SLC6A17: variants seen among roughly 807,000 people sequenced by gnomAD.
SLC6A17 encodes the protein sodium-dependent neutral amino acid transporter SLC6A17.
Under a neutral mutation model 64.5 loss-of-function variants are expected in SLC6A17, and 21 were observed. That is an observed-to-expected ratio of 0.33 (90% CI 0.23 to 0.47). SLC6A17 has a LOEUF of 0.47. SLC6A17 is among the 20% of genes least tolerant of loss of function. The pLI, the probability that SLC6A17 is intolerant of heterozygous loss-of-function variation, is 1.00. For missense variants in SLC6A17, 682 were observed against 963.2 expected (o/e 0.71, Z 3.86); for synonymous variants, 372 against 399.5 (o/e 0.93, Z 0.82).
chr1:110,195,091 T>C, intron 9 of SLC6A17: 1 of 450,698 alleles, frequency 2.2e-6, no homozygotes, highest in East Asian at 4.6e-5. Context: ...GCAGGGGCAC[T>C]CACTGGCCTT....
Position 110,197,470 on chromosome 1 carries a change from C to G in SLC6A17, c.1686C>G (p.Phe562Leu). The G allele has an allele frequency of 6.2e-7, 1 of 1,613,400 alleles. No individual in the cohort carries two copies. Among genetic ancestry groups the G allele is most frequent in the East Asian group, 2.2e-5 (1 of 44,872 alleles). Residue 562 changes from phenylalanine to leucine, a missense_variant, in exon 11 of 12, where the codon TTC (phenylalanine) becomes TTG (leucine). Transcript: ENST00000331565. ...FMQELTEMLG[F>L]RPYRFYFYMW... ...AGGAGCTGACGGAGATGCTGGGCTT[C>G]CGCCCCTACCGCTTCTATTTCTACA...
At chr1:110,188,870 CT>C (rs1404291230) in intron 6 of SLC6A17, among the ~76,000 whole-genome samples, 1 of 152,182 alleles carries the variant, frequency 6.6e-6, no homozygotes, top group Non-Finnish European at 1.5e-5. Context: ...TTCACTTCCC[CT>C]GGCTTCTTGC....
At position 110,174,014 on chromosome 1, in the gene SLC6A17, G is replaced by C. The variant is rs1201090011; in HGVS notation, c.486G>C (p.Gly162=). 2 of 1,614,090 alleles carry C rather than the reference G, an allele frequency of 1.2e-6. No homozygotes were observed. The highest frequency in any genetic ancestry group is 1.7e-6 in the Non-Finnish European group (2 of 1,180,036). ...GGCTGTATTATAATGTGATCATCGG[G>C]TGGAGCATCTTCTATTTCTTCAAGT... ...FVGLYYNVII[G]WSIFYFFKSF... The change falls in exon 4 of 12, where the codon GGG becomes GGC. Residue 162 remains glycine, a synonymous_variant. Coordinates refer to ENST00000331565, the MANE Select transcript of SLC6A17 (RefSeq NM_001010898.4).
At chr1:110,163,018 TA>T (rs67702050) in intron 1 of SLC6A17, among the ~76,000 whole-genome samples, 38,512 of 102,190 alleles carry the variant, frequency 0.38, 6,524 homozygotes, top group Non-Finnish European at 0.48. Flanking sequence ...CCCATGTTGG[TA>T]AAAAAAAAAA....
At chr1:110,173,893 G>GAAAGAGGT in intron 3 of SLC6A17, 80 bp from the exon 4 acceptor site, 5 of 1,558,102 alleles carry the variant, frequency 3.2e-6, no homozygotes, top group South Asian at 2.4e-5. Context: ...CGCTGCCGAC[G>GAAAGAGGT]TGCTGGGCCT....
intron 6 of SLC6A17, among the ~76,000 whole-genome samples, chr1:110,181,277 A>C (rs1232584610): frequency 6.6e-6 from 1 of 152,256 alleles, no homozygotes; most frequent in African/African-American, 2.4e-5. Context: ...ACAACTGTTC[A>C]TATCCTTCAG....
chr1:110,176,549 GC>G, intron 5 of SLC6A17, 79 bp from the exon 6 acceptor site: 1 of 1,363,046 alleles, frequency 7.3e-7, no homozygotes, highest in South Asian at 1.2e-5. Flanking sequence ...CGGCTCATGT[GC>G]CCCAGATGTG....
chr1:110,176,569 TG>T, intron 5 of SLC6A17, 59 bp from the exon 6 acceptor site: 6 of 1,493,252 alleles, frequency 4.0e-6, no homozygotes, highest in South Asian at 3.4e-5. Flanking sequence ...TGAGCAGGGA[TG>T]GGGGGTGCCA....
intron 2 of SLC6A17, among the ~76,000 whole-genome samples, chr1:110,167,541 A>G (rs1436682861): frequency 6.6e-6 from 1 of 152,162 alleles, no homozygotes; most frequent in Non-Finnish European, 1.5e-5. Context: ...CCTGCCTCAT[A>G]GGATAGTTGG....
intron 1 of SLC6A17, among the ~76,000 whole-genome samples, chr1:110,153,175 C>G (rs1267157481): frequency 1.3e-5 from 2 of 152,158 alleles, no homozygotes; most frequent in Non-Finnish European, 2.9e-5. Context: ...TGACTGTAGC[C>G]TGGTCCCAAG....
intron 1 of SLC6A17, among the ~76,000 whole-genome samples, chr1:110,166,003 CT>C (rs1656042155): frequency 1.3e-5 from 2 of 152,364 alleles, no homozygotes; most frequent in African/African-American, 4.8e-5. Flanking sequence ...CAAATGAGGA[CT>C]GGCAGGAGTA....
chr1:110,194,792 T>C (rs747831889), intron 9 of SLC6A17, 21 bp downstream of exon 9: 2 of 1,609,360 alleles, frequency 1.2e-6, no homozygotes, highest in Admixed American at 1.7e-5. Context: ...CCTGCCCCCA[T>C]GCCCAGGCTC....
chr1:110,171,933 C>T (rs1039194916), intron 2 of SLC6A17, 127 bp from the exon 3 acceptor site: 21 of 1,253,676 alleles, frequency 1.7e-5, no homozygotes, highest in Admixed American at 1.1e-4. Flanking sequence ...GGAGGAGCAC[C>T]GGGACTGGTG....
Position 110,199,576 on chromosome 1 carries a change from T to G in SLC6A17, c.*1132T>G. 5.7e-6 allele frequency: 1 copy of G among 174,418 alleles called. No homozygotes were observed. Among genetic ancestry groups the G allele is most frequent in the Non-Finnish European group, 1.2e-5 (1 of 82,904 alleles). The allele number at this position is 174,418 out of a possible 1,614,324, so 10.8% of individuals were successfully genotyped here. On this transcript the variant is annotated 3_prime_UTR_variant, in exon 12 of 12. Transcript: ENST00000331565. ...TTATTACACAAGCACAGCCGCCCAG[T>G]GTGCACATCATGTGCAGACACCTTG...
intron 6 of SLC6A17, among the ~76,000 whole-genome samples, chr1:110,191,452 A>T (rs1201873327): frequency 1.3e-5 from 2 of 152,176 alleles, no homozygotes; most frequent in East Asian, 3.9e-4. Flanking sequence ...GATGGTGGGG[A>T]AAAGCAGGCG....
intron 5 of SLC6A17, 38 bp downstream of exon 5, chr1:110,174,998 A>G (rs1303708909): frequency 6.3e-7 from 1 of 1,594,548 alleles, no homozygotes; most frequent in Admixed American, 1.7e-5. Context: ...CCAAATGGGG[A>G]ACAGCAGAAA....
intron 6 of SLC6A17, chr1:110,178,051 A>G (rs1238552418): frequency 6.6e-6 from 1 of 152,256 alleles, no homozygotes. Context: ...TTGTAAACAC[A>G]TGATATCTGA....
rs77271220 is a variant in SLC6A17, at chr1:110,151,321, G to T, written c.-88+438G>T. Among the ~76,000 whole-genome samples the T allele has an allele frequency of 6.5e-3, 995 of 152,386 alleles. 15 individuals are homozygous for T. The highest frequency in any genetic ancestry group is 0.023 in the African/African-American group (938 of 41,596). The stretch of plus-strand genomic sequence containing the variant: ...GCAGCTGGAGACCCCAGCCCCAGCC[G>T]CTCGGCCTCAGGCCTGTGACCTTGA... On this transcript the variant is annotated intron_variant, in intron 1 of 11. Transcript: ENST00000331565.
Position 110,192,609 on chromosome 1 carries a change from G to A in SLC6A17, c.1210G>A (p.Glu404Lys), listed in dbSNP as rs924234222. 1 of 1,614,164 alleles carries A rather than the reference G, an allele frequency of 6.2e-7. No individual in the cohort carries two copies. Among genetic ancestry groups the A allele is most frequent in the Admixed American group, 1.7e-5 (1 of 60,022 alleles). The change falls in exon 8 of 12, where the codon GAG (glutamate) becomes AAG (lysine). Residue 404 changes from glutamate to lysine, a missense_variant. Glu to Lys is a moderately conservative substitution (Grantham distance 56). Transcript: ENST00000331565. The surrounding 1 kb of genome is among the most constrained non-coding windows in gnomAD (Gnocchi z 4.3). The part of the protein sequence containing the change: ...FSHLTTKDYM[E>K]MYNVIMTVKE... The stretch of plus-strand genomic sequence containing the variant: ...CCACCTGACCACAAAGGACTACATG[G>A]AGATGTACAATGTCATCATGACCGT...
Sources: allele counts gnomAD v4.1 joint callset (sites outside exome capture counted in the v4.1 genomes callset), GRCh38; gene constraint gnomAD v4.1.1; non-coding constraint Gnocchi (gnomAD v3.1); transcripts MANE v1.5; gene names NCBI Gene and HGNC (gene_info 2026-07-23, HGNC 2026-07-21).